HS3ST5: variants seen among roughly 807,000 people sequenced by gnomAD.
HS3ST5 encodes heparan sulfate-glucosamine 3-sulfotransferase 5, also known as heparan sulfate glucosamine 3-O-sulfotransferase 5.
HS3ST5 carries 10 observed loss-of-function variants against 25.4 expected under a neutral mutation model. The ratio of observed to expected loss-of-function variants is 0.39; its 90% CI spans 0.24 to 0.67. The LOEUF is 0.67. Among genes scored for constraint, HS3ST5 ranks in the 30% least tolerant of loss-of-function variants. The pLI is 0.44. For synonymous variants in HS3ST5, 170 were observed against 162.4 expected (o/e 1.05, Z -0.36); for missense variants, 324 against 420.7 (o/e 0.77, Z 2.01).
chr6:114,203,716 C>G (rs1338594714), intron 2 of HS3ST5, among the ~76,000 whole-genome samples: 1 of 152,140 alleles, frequency 6.6e-6, no homozygotes, highest in Non-Finnish European at 1.5e-5. Context: ...GATTTCATCC[C>G]CAACCATCAA....
At chr6:114,187,492 G>C (rs1468670824) in intron 2 of HS3ST5, among the ~76,000 whole-genome samples, 1 of 152,208 alleles carries the variant, frequency 6.6e-6, no homozygotes, top group Non-Finnish European at 1.5e-5. Context: ...AGTGGAGCCT[G>C]AAGATGTGAC....
At chr6:114,180,403 G>C (rs564294512) in intron 2 of HS3ST5, among the ~76,000 whole-genome samples, 8 of 152,046 alleles carry the variant, frequency 5.3e-5, no homozygotes, top group Non-Finnish European at 1.2e-4. Context: ...TCATCATTCT[G>C]GAGGCTTGAA....
At chr6:114,237,316 C>G (rs928009577) in intron 1 of HS3ST5, among the ~76,000 whole-genome samples, 1 of 148,530 alleles carries the variant, frequency 6.7e-6, no homozygotes, top group Non-Finnish European at 1.5e-5. Context: ...AAAAATAAAA[C>G]AAGATACGAG....
intron 3 of HS3ST5, among the ~76,000 whole-genome samples, chr6:114,083,512 GAC>G (rs1428054986): frequency 5.3e-5 from 8 of 151,846 alleles, no homozygotes; most frequent in Admixed American, 5.2e-4. Context: ...TCATTAAGGA[GAC>G]AGTTCTGGGT....
chr6:114,057,287 C>T lies in HS3ST5; in HGVS notation c.1011G>A (p.Gln337=), dbSNP rs749582974. 6.2e-7 allele frequency: 1 copy of T among 1,613,598 alleles called. No individual in the cohort carries two copies. The highest frequency in any genetic ancestry group is 8.5e-7 in the Non-Finnish European group (1 of 1,179,686). ...FFHPFNQKFY[Q]ITGRTLNWP ...GCCAGTTCAATGTCCTCCCAGTGAT[C>T]TGGTAAAATTTTTGATTAAAAGGAT... is the stretch of plus-strand genomic sequence containing the variant. Residue 337 remains glutamine (Q), a synonymous_variant, in exon 5 of 5, where the codon CAG becomes CAA. Coordinates refer to ENST00000312719, the MANE Select transcript of HS3ST5 (RefSeq NM_153612.4).
At chr6:114,161,410 T>C (rs1015198348) in intron 3 of HS3ST5, among the ~76,000 whole-genome samples, 9 of 148,566 alleles carry the variant, frequency 6.1e-5, no homozygotes, top group African/African-American at 2.2e-4. Context: ...TAAATATTTT[T>C]AACAATGCTA....
intron 1 of HS3ST5, among the ~76,000 whole-genome samples, chr6:114,293,844 A>G (rs527741259): frequency 6.6e-6 from 1 of 152,296 alleles, no homozygotes; most frequent in African/African-American, 2.4e-5. Flanking sequence ...AACCAGGTCA[A>G]ATGCTGCAGA....
chr6:114,257,462 T>G (rs1229428940), intron 1 of HS3ST5, among the ~76,000 whole-genome samples: 1 of 152,200 alleles, frequency 6.6e-6, no homozygotes, highest in Non-Finnish European at 1.5e-5. Context: ...TTAAATAACT[T>G]ATACAAAGTT....
intron 3 of HS3ST5, among the ~76,000 whole-genome samples, chr6:114,118,512 C>T (rs976526930): frequency 6.6e-6 from 1 of 152,076 alleles, no homozygotes; most frequent in Non-Finnish European, 1.5e-5. Flanking sequence ...GGGTTATTAC[C>T]ATTATTTACC....
At chr6:114,156,124 G>A (rs1374098563) in intron 3 of HS3ST5, among the ~76,000 whole-genome samples, 1 of 152,154 alleles carries the variant, frequency 6.6e-6, no homozygotes, top group African/African-American at 2.4e-5. Context: ...TCTATTCTCT[G>A]AGTTTGACTC....
chr6:114,243,676 A>G (rs1197243721), intron 1 of HS3ST5, among the ~76,000 whole-genome samples: 1 of 152,070 alleles, frequency 6.6e-6, no homozygotes, highest in African/African-American at 2.4e-5. Flanking sequence ...CCAATTCTTT[A>G]CCTCTTCCAG....
chr6:114,174,351 T>G (rs978509574), intron 2 of HS3ST5, among the ~76,000 whole-genome samples: 1 of 152,080 alleles, frequency 6.6e-6, no homozygotes, highest in Non-Finnish European at 1.5e-5. Context: ...ATCTCTTTAC[T>G]GGCCTGTACC....
At chr6:114,072,695 A>G (rs1671324455) in intron 3 of HS3ST5, among the ~76,000 whole-genome samples, 1 of 152,194 alleles carries the variant, frequency 6.6e-6, no homozygotes, top group African/African-American at 2.4e-5. Flanking sequence ...AAGAATCAAT[A>G]TCGTGAAAAT....
chr6:114,284,612 A>G, intron 1 of HS3ST5, among the ~76,000 whole-genome samples: 1 of 152,016 alleles, frequency 6.6e-6, no homozygotes, highest in East Asian at 1.9e-4. Flanking sequence ...AGGGAAAAGA[A>G]GAGCTAAATC....
intron 3 of HS3ST5, among the ~76,000 whole-genome samples, chr6:114,098,723 T>A (rs1269598178): frequency 5.9e-5 from 9 of 151,940 alleles, no homozygotes; most frequent in Admixed American, 5.9e-4. Flanking sequence ...TCTTCTGAGG[T>A]AATTTGCATT....
At chr6:114,233,054 A>C (rs1771679570) in intron 1 of HS3ST5, among the ~76,000 whole-genome samples, 1 of 118,722 alleles carries the variant, frequency 8.4e-6, no homozygotes, top group South Asian at 3.7e-4. Flanking sequence ...TAGATGACAG[A>C]CACTCTTTTT....
intron 1 of HS3ST5, among the ~76,000 whole-genome samples, chr6:114,252,440 C>T (rs540986653): frequency 6.6e-6 from 1 of 152,190 alleles, no homozygotes; most frequent in African/African-American, 2.4e-5. Context: ...GGAATAAAAG[C>T]AGGATTATCA....
chr6:114,105,450 T>C (rs1456960166), intron 3 of HS3ST5, among the ~76,000 whole-genome samples: 3 of 152,178 alleles, frequency 2.0e-5, no homozygotes, highest in African/African-American at 7.2e-5. Flanking sequence ...CCATTTTATC[T>C]CAAGGAAGAA....
chr6:114,328,166 C>G (rs571460841), intron 1 of HS3ST5, among the ~76,000 whole-genome samples: 1 of 147,950 alleles, frequency 6.8e-6, no homozygotes, highest in South Asian at 2.1e-4. Context: ...ATTCCATAAA[C>G]TAGAGATGTG....
Sources: allele counts gnomAD v4.1 joint callset (sites outside exome capture counted in the v4.1 genomes callset), GRCh38; gene constraint gnomAD v4.1.1; transcripts MANE v1.5; gene names NCBI Gene and HGNC (gene_info 2026-07-23, HGNC 2026-07-21).